The following CSGALNACT1 variants were observed in gnomAD, a reference collection of about 807,000 sequenced individuals.
CSGALNACT1 encodes chondroitin sulfate N-acetylgalactosaminyltransferase 1.
CSGALNACT1 carries 52 observed loss-of-function variants against 51.0 expected under a neutral mutation model. The ratio of observed to expected loss-of-function variants is 1.02; its 90% CI spans 0.82 to 1.29. The LOEUF is 1.29. Ranked by LOEUF, CSGALNACT1 falls within the 50% of genes most tolerant of loss-of-function variation. The pLI is 0.00. For synonymous variants in CSGALNACT1, 341 were observed against 254.4 expected, an observed-to-expected ratio of 1.34 and a Z score of -3.24; for missense variants, 935 against 679.2, an observed-to-expected ratio of 1.38 and a Z score of -4.19.
At chr8:19,743,253 T>A (rs6586862) in intron 1 of CSGALNACT1, among the ~76,000 whole-genome samples, 10 of 151,946 alleles carry the variant, frequency 6.6e-5, no homozygotes, top group Admixed American at 6.6e-4. Context: ...ACATGAAACG[T>A]ATGGAGTGGA....
intron 3 of CSGALNACT1, among the ~76,000 whole-genome samples, chr8:19,588,220 A>C (rs1449800248): frequency 6.6e-6 from 1 of 152,160 alleles, no homozygotes; most frequent in Non-Finnish European, 1.5e-5. Flanking sequence ...AAAAAAAGAA[A>C]AAAAAAGATA....
intron 4 of CSGALNACT1, chr8:19,495,109 T>C (rs2075216567): frequency 6.6e-6 from 1 of 152,092 alleles, no homozygotes; most frequent in East Asian, 1.9e-4. Context: ...TGGAAACAGG[T>C]GGAGAGGGAG....
At chr8:19,677,287 C>T (rs11204061) in intron 1 of CSGALNACT1, among the ~76,000 whole-genome samples, 69,964 of 151,756 alleles carry the variant, frequency 0.46, 16,775 homozygotes, top group Middle Eastern at 0.55. Flanking sequence ...TTTTTTATAT[C>T]TTTTACAGAG....
At chr8:19,503,590 T>A (rs1043724962) in intron 4 of CSGALNACT1, among the ~76,000 whole-genome samples, 1 of 152,134 alleles carries the variant, frequency 6.6e-6, no homozygotes, top group African/African-American at 2.4e-5. Context: ...TAATGATGTT[T>A]AATGATTTTC....
intron 3 of CSGALNACT1, among the ~76,000 whole-genome samples, chr8:19,546,791 A>G (rs941066928): frequency 4.6e-5 from 7 of 152,236 alleles, no homozygotes; most frequent in African/African-American, 1.7e-4. Context: ...ACAGGTGACT[A>G]GGAAGGCTCC....
At chr8:19,492,210 T>G (rs1365643679) in intron 4 of CSGALNACT1, among the ~76,000 whole-genome samples, 32 of 152,196 alleles carry the variant, frequency 2.1e-4, no homozygotes, top group Admixed American at 2.1e-3. Flanking sequence ...AGCACGTATC[T>G]AAGGTCAACA....
At chr8:19,466,928 G>A (rs554707692) in intron 4 of CSGALNACT1, among the ~76,000 whole-genome samples, 1 of 152,222 alleles carries the variant, frequency 6.6e-6, no homozygotes, top group African/African-American at 2.4e-5. Flanking sequence ...GCAGCGACTG[G>A]TAGACTTGCT....
At chr8:19,677,062 G>C (rs1291176428) in intron 1 of CSGALNACT1, among the ~76,000 whole-genome samples, 1 of 151,820 alleles carries the variant, frequency 6.6e-6, no homozygotes, top group African/African-American at 2.4e-5. Flanking sequence ...TTCAGTAAAA[G>C]GGAAGAAAGA....
intron 6 of CSGALNACT1, among the ~76,000 whole-genome samples, chr8:19,436,127 T>C (rs1025913098): frequency 2.0e-5 from 3 of 151,974 alleles, no homozygotes; most frequent in Non-Finnish European, 4.4e-5. Flanking sequence ...GGAGAGAGAG[T>C]GTGAAATATT....
chr8:19,470,861 T>G (rs192768933), intron 4 of CSGALNACT1, among the ~76,000 whole-genome samples: 21 of 152,198 alleles, frequency 1.4e-4, no homozygotes, highest in Non-Finnish European at 2.5e-4. Context: ...TTTCGGAGGC[T>G]GAGGTGGGCG....
At chr8:19,417,415 C>T (rs142317404) in intron 8 of CSGALNACT1, among the ~76,000 whole-genome samples, 1 of 152,224 alleles carries the variant, frequency 6.6e-6, no homozygotes, top group African/African-American at 2.4e-5. Context: ...CAGAGGTTAA[C>T]TTGGGGAGAG....
At chr8:19,584,073 A>G (rs1435501775) in intron 3 of CSGALNACT1, among the ~76,000 whole-genome samples, 1 of 152,226 alleles carries the variant, frequency 6.6e-6, no homozygotes, top group Non-Finnish European at 1.5e-5. Flanking sequence ...AAATACTCCA[A>G]TTAAAGGCAA....
intron 3 of CSGALNACT1, among the ~76,000 whole-genome samples, chr8:19,563,137 C>T (rs146364543): frequency 2.6e-3 from 403 of 152,184 alleles, no homozygotes; most frequent in African/African-American, 9.0e-3. Context: ...GGGACATGGA[C>T]GGAGCTAGAA....
intron 3 of CSGALNACT1, among the ~76,000 whole-genome samples, chr8:19,528,552 C>G (rs2082158441): frequency 2.0e-5 from 3 of 151,924 alleles, no homozygotes; most frequent in African/African-American, 4.8e-5. Flanking sequence ...TTCTAGACCC[C>G]CATAGTAAGA....
chr8:19,437,853 C>A (rs1337750682), intron 6 of CSGALNACT1, among the ~76,000 whole-genome samples: 1 of 152,168 alleles, frequency 6.6e-6, no homozygotes, highest in Non-Finnish European at 1.5e-5. Context: ...ACCATCTCTA[C>A]CACTCAAATG....
At chr8:19,740,499 T>G (rs891482138) in intron 1 of CSGALNACT1, among the ~76,000 whole-genome samples, 19 of 152,254 alleles carry the variant, frequency 1.2e-4, no homozygotes, top group African/African-American at 4.6e-4. Context: ...ACCAGTGTTT[T>G]ACTGTATCTT....
intron 8 of CSGALNACT1, among the ~76,000 whole-genome samples, chr8:19,410,962 A>G (rs915806639): frequency 6.6e-6 from 1 of 152,196 alleles, no homozygotes; most frequent in Non-Finnish European, 1.5e-5. Context: ...CCTCAAGCAC[A>G]CATCCGATTA....
At chr8:19,593,920 TCTCCC>T (rs1564187716) in intron 2 of CSGALNACT1, among the ~76,000 whole-genome samples, 1 of 152,086 alleles carries the variant, frequency 6.6e-6, no homozygotes, top group Non-Finnish European at 1.5e-5. Flanking sequence ...CTTCCCTGTC[TCTCCC>T]TCTAGGCTGC....
At chr8:19,612,946 GAAAAAAAAAAAAAAA>G (rs1165754811) in intron 1 of CSGALNACT1, among the ~76,000 whole-genome samples, 185 of 15,460 alleles carry the variant, frequency 0.012, 7 homozygotes, top group South Asian at 0.039. Context: ...AAAGCAGCTG[GAAAAAAAAAAAAAAA>G]AAAAAAAAAA....
Sources: allele counts gnomAD v4.1 joint callset (sites outside exome capture counted in the v4.1 genomes callset), GRCh38; gene constraint gnomAD v4.1.1; transcripts MANE v1.5; gene names NCBI Gene and HGNC (gene_info 2026-07-23, HGNC 2026-07-21).